Variants in CALCOCO1 observed in about 807,000 individuals in gnomAD.
The protein encoded by CALCOCO1 is calcium-binding and coiled-coil domain-containing protein 1.
A neutral mutation model predicts 86.3 loss-of-function variants in CALCOCO1; 44 were observed. The observed-to-expected ratio is 0.51, with a 90% CI of 0.40 to 0.66. The LOEUF (loss-of-function observed/expected upper bound fraction) is 0.66. CALCOCO1 is among the 30% of genes least tolerant of loss of function. The probability of loss-of-function intolerance (pLI) is 0.00; values close to 1 mark genes in which losing one functional copy is unlikely to be tolerated. For missense variants in CALCOCO1, 708 were observed against 851.1 expected (o/e 0.83, Z 2.09); for synonymous variants, 297 against 327.6 (o/e 0.91, Z 1.01).
chr12:53,723,849 G>C (rs1020795226), intron 3 of CALCOCO1, 66 bp from the exon 4 acceptor site: 22 of 1,412,110 alleles, frequency 1.6e-5, no homozygotes, highest in Non-Finnish European at 2.1e-5. Context: ...CCCCTTGCTC[G>C]GTGTTCCATA....
At position 53,714,705 on chromosome 12, in the gene CALCOCO1, G is replaced by T; in HGVS notation, c.1387-12C>A. On this transcript the variant is annotated splice_polypyrimidine_tract_variant and intron_variant, in intron 10 of 14. Coordinates refer to ENST00000550804, the MANE Select transcript of CALCOCO1 (RefSeq NM_020898.3). ...TCTGACAACTGTACCTGAGGGAAGA[G>T]GGCCCAATGGAATCTGGAGCCTAGA... The T allele has an allele frequency of 1.3e-6, 2 of 1,598,756 alleles. No homozygotes were observed. The highest frequency in any genetic ancestry group is 1.1e-5 in the South Asian group (1 of 90,790).
rs1593075208 is a variant in CALCOCO1, at chr12:53,713,104, C to T, written c.1894G>A (p.Ala632Thr). 1 of 1,613,646 alleles carries T rather than the reference C, an allele frequency of 6.2e-7. No individual in the cohort carries two copies. Among genetic ancestry groups the T allele is most frequent in the Non-Finnish European group, 8.5e-7 (1 of 1,179,592 alleles). Residue 632 changes from alanine (A) to threonine (T), a missense_variant, in exon 14 of 15, where the codon GCC (alanine) becomes ACC (threonine). Transcript: ENST00000550804. ...PELGSAFYDMASGFTVGTLSE... is the reference protein window; with the variant it reads ...PELGSAFYDMTSGFTVGTLSE... ...GGCCTTGCTGGTTGAACTCACCTGG[C>T]CATGTCATAGAAGGCACTGCCCAGT... is the stretch of plus-strand genomic sequence containing the variant.
Position 53,715,948 on chromosome 12 carries a change from C to T in CALCOCO1, c.1105G>A (p.Ala369Thr), listed in dbSNP as rs1202849386. ...ATLLGEELAS[A>T]AAARDRTIAE... ...ATGGTGCGGTCCCTGGCTGCTGCTGCACTGGCCAACTCCTCCCCAAGAAGG... is the reference window on the plus strand; with the variant it reads ...ATGGTGCGGTCCCTGGCTGCTGCTGTACTGGCCAACTCCTCCCCAAGAAGG... The change falls in exon 9 of 15, where the codon GCA (alanine) becomes ACA (threonine). Residue 369 changes from alanine (A) to threonine (T), a missense_variant. By Grantham distance (58) the Ala-to-Thr change is moderately conservative (BLOSUM62 0). Transcript: ENST00000550804. 9 of 1,614,068 alleles carry T rather than the reference C, an allele frequency of 5.6e-6. No individual in the cohort carries two copies. The highest frequency in any genetic ancestry group is 2.2e-5 in the East Asian group (1 of 44,870).
In CALCOCO1 at chr12:53,710,078, G is replaced by GT. The variant is rs1242674142; in HGVS notation, c.*1865dup. The GT allele has an allele frequency of 1.3e-5, 2 of 152,116 alleles. No individual in the cohort carries two copies. Among genetic ancestry groups the GT allele is most frequent in the African/African-American group, 4.8e-5 (2 of 41,378 alleles). 9.4% of individuals were successfully genotyped at this position (152,116 alleles called of 1,614,324 possible). On this transcript the variant is annotated 3_prime_UTR_variant, in exon 15 of 15. Coordinates refer to ENST00000550804, the MANE Select transcript of CALCOCO1 (RefSeq NM_020898.3). ...ATGGATGCCTCTGTCAGCCCAGCTC[G>GT]TATTTATTAATAGTCTTAATACGGG...
At position 53,711,570 on chromosome 12, in the gene CALCOCO1, C is replaced by T; in HGVS notation, c.*374G>A. On this transcript the variant is annotated 3_prime_UTR_variant, in exon 15 of 15. Coordinates refer to ENST00000550804, the MANE Select transcript of CALCOCO1 (RefSeq NM_020898.3). ...GGTGCCCCAGGAATTGGCTTTGGGG[C>T]ATCAGACAAGGGAGTGTGAGTGTGA... is the stretch of plus-strand genomic sequence containing the variant. 1 of 290,484 alleles carries T rather than the reference C, an allele frequency of 3.4e-6. No individual in the cohort carries two copies. The highest frequency in any genetic ancestry group is 6.3e-6 in the Non-Finnish European group (1 of 158,426). 18.0% of individuals were successfully genotyped at this position (290,484 alleles called of 1,614,324 possible).
rs1477515516 is a variant in CALCOCO1, at chr12:53,713,711, C to T, written c.1781G>A (p.Ser594Asn). ...TCCTCCACTGCTCACCGAGTCAGAG[C>T]TACTGTCCTCAGCTGGCCCAGAGAG... is the stretch of plus-strand genomic sequence containing the variant. ...PHLSGPAEDS[S>N]SDSEAEDEKS... Residue 594 changes from serine to asparagine, a missense_variant, in exon 13 of 15, where the codon AGC (serine) becomes AAC (asparagine). Coordinates refer to ENST00000550804, the MANE Select transcript of CALCOCO1 (RefSeq NM_020898.3). 2.6e-6 allele frequency: 4 copies of T among 1,557,966 alleles called. No individual in the cohort carries two copies. In the East Asian group the frequency reaches 9.0e-5, roughly 35 times the overall value.
Position 53,723,677 on chromosome 12 carries a change from C to T in CALCOCO1, c.366G>A (p.Arg122=), listed in dbSNP as rs771872608. 13 of 1,614,074 alleles carry T rather than the reference C, an allele frequency of 8.1e-6. No individual in the cohort carries two copies. The highest frequency in any genetic ancestry group is 6.7e-5 in the East Asian group (3 of 44,898). The change falls in exon 4 of 15, where the codon AGG becomes AGA. Residue 122 remains arginine, a synonymous_variant. Transcript: ENST00000550804. ...CCAGGGTCACCAGTTCATCCATGGG[C>T]CTTGGCTCTCGGAACTGGAAAGGGG... ...QSPPFQFREP[R]PMDELVTLEE...
Position 53,713,727 on chromosome 12 carries a change from G to A in CALCOCO1, c.1765C>T (p.Pro589Ser), listed in dbSNP as rs761049308. ...PAPISPHLSGPAEDSSSDSEA... is the reference protein window; with the variant it reads ...PAPISPHLSGSAEDSSSDSEA... ...GAGTCAGAGCTACTGTCCTCAGCTG[G>A]CCCAGAGAGGTGAGGAGAAATGGGA... is the stretch of plus-strand genomic sequence containing the variant. The change falls in exon 13 of 15, where the codon CCA (proline) becomes TCA (serine). Residue 589 changes from proline (P) to serine (S), a missense_variant. Pro to Ser is a moderately conservative substitution (Grantham distance 74, BLOSUM62 -1). Transcript: ENST00000550804. 6.9e-6 allele frequency: 11 copies of A among 1,592,142 alleles called. No individual in the cohort carries two copies. The East Asian group carries it at 2.0e-4, about 29-fold the overall frequency.
chr12:53,714,154 C>T lies in CALCOCO1; in HGVS notation c.1570G>A (p.Glu524Lys). 1 of 1,612,886 alleles carries T rather than the reference C, an allele frequency of 6.2e-7. No individual in the cohort carries two copies. Among genetic ancestry groups the T allele is most frequent in the South Asian group, 1.1e-5 (1 of 91,056 alleles). ...GGACTCAGCCCCACAGCGGCCTCCT[C>T]ATCCTCTGTGGTGGCATCCTCATTC... ...KWNEDATTEDEEAAVGLSCPA... is the reference protein window; with the variant it reads ...KWNEDATTEDKEAAVGLSCPA... The change falls in exon 12 of 15, where the codon GAG (glutamate) becomes AAG (lysine). Residue 524 changes from glutamate (E) to lysine (K), a missense_variant. By Grantham distance (56) the Glu-to-Lys change is moderately conservative. Coordinates refer to ENST00000550804, the MANE Select transcript of CALCOCO1 (RefSeq NM_020898.3).
At chr12:53,715,549 T>C in intron 9 of CALCOCO1, 1 of 734,816 alleles carries the variant, frequency 1.4e-6, no homozygotes, top group East Asian at 2.7e-5. Context: ...GGGCCTGGGG[T>C]CTAGGACAGA....
Position 53,715,850 on chromosome 12 carries a change from C to G in CALCOCO1, c.1203G>C (p.Leu401Phe). Reference protein sequence around the residue: ...NGRLAELGLHLKEEKCQWSKE... With the variant: ...NGRLAELGLHFKEEKCQWSKE... ...TGCTCCATTGGCATTTTTCTTCCTTCAAGTGCAAACCGAGCTCAGCCAGCC... is the reference window on the plus strand; with the variant it reads ...TGCTCCATTGGCATTTTTCTTCCTTGAAGTGCAAACCGAGCTCAGCCAGCC... The change falls in exon 9 of 15, where the codon TTG becomes TTC. Residue 401 changes from leucine (L) to phenylalanine (F), a missense_variant. Physicochemically the swap from Leu to Phe is conservative, Grantham distance 22. Transcript: ENST00000550804. 6.2e-7 allele frequency: 1 copy of G among 1,614,134 alleles called. No homozygotes were observed. The highest frequency in any genetic ancestry group is 2.2e-5 in the East Asian group (1 of 44,878).
At position 53,711,832 on chromosome 12, in the gene CALCOCO1, G is replaced by GAATA. The variant is rs1302437434; in HGVS notation, c.*108_*111dup. On this transcript the variant is annotated 3_prime_UTR_variant, in exon 15 of 15. Transcript: ENST00000550804. The stretch of plus-strand genomic sequence containing the variant: ...ACACAGAAGCAGTTCTTAGGGAACA[G>GAATA]AATATCATGGAGCCCAGTGTGATAG... 6.4e-6 allele frequency: 6 copies of GAATA among 931,560 alleles called. No homozygotes were observed. Among genetic ancestry groups the GAATA allele is most frequent in the Non-Finnish European group, 9.1e-6 (6 of 657,772 alleles). 57.7% of individuals were successfully genotyped at this position (931,560 alleles called of 1,614,324 possible). A position where few individuals can be genotyped will look rare whatever the true frequency, so the allele number is the denominator to read the frequency against.
At chr12:53,714,879 C>T (rs1261067009) in intron 10 of CALCOCO1, among the ~76,000 whole-genome samples, 186 bp from the exon 11 acceptor site, 3 of 152,122 alleles carry the variant, frequency 2.0e-5, no homozygotes, top group Non-Finnish European at 4.4e-5. Flanking sequence ...GCCACAGATA[C>T]TCAGTTTTCT....
chr12:53,716,114 C>A (rs1263517110), intron 8 of CALCOCO1, 67 bp from the exon 9 acceptor site: 4 of 1,589,916 alleles, frequency 2.5e-6, no homozygotes, highest in Non-Finnish European at 3.4e-6. Flanking sequence ...GGGAGGTAAA[C>A]GCTCCCTCCA....
chr12:53,714,378 G>T, intron 11 of CALCOCO1, 137 bp from the exon 12 acceptor site: 1 of 698,312 alleles, frequency 1.4e-6, no homozygotes, highest in Non-Finnish European at 2.4e-6. Flanking sequence ...GGCAACTTCA[G>T]GCAGACACTC....
intron 14 of CALCOCO1, 113 bp from the exon 15 acceptor site, chr12:53,712,234 T>A: frequency 1.2e-6 from 1 of 866,150 alleles, no homozygotes; most frequent in Non-Finnish European, 1.8e-6. Context: ...ATCCTGTGCC[T>A]AATGCAGCAT....
chr12:53,721,941 TC>T, intron 5 of CALCOCO1, 83 bp downstream of exon 5: 1 of 1,500,642 alleles, frequency 6.7e-7, no homozygotes, highest in Non-Finnish European at 9.2e-7. Flanking sequence ...CACTAACATC[TC>T]TCCTTCACCC....
At chr12:53,718,353 T>C (rs1191517668) in intron 7 of CALCOCO1, among the ~76,000 whole-genome samples, 1 of 152,204 alleles carries the variant, frequency 6.6e-6, no homozygotes, top group Non-Finnish European at 1.5e-5. Flanking sequence ...ATTACCTAAG[T>C]GCTTTCATTA....
At chr12:53,719,870 C>G in intron 6 of CALCOCO1, 41 bp from the exon 7 acceptor site, 2 of 1,399,886 alleles carry the variant, frequency 1.4e-6, no homozygotes, top group Non-Finnish European at 2.0e-6. Context: ...TCTGCTCCAC[C>G]CAGAGAAGGA....
Sources: allele counts gnomAD v4.1 joint callset (sites outside exome capture counted in the v4.1 genomes callset), GRCh38; gene constraint gnomAD v4.1.1; transcripts MANE v1.5; gene names NCBI Gene and HGNC (gene_info 2026-07-23, HGNC 2026-07-21).